RANBP17: variants seen among roughly 807,000 people sequenced by gnomAD.
RANBP17 encodes RAN binding protein 17.
A neutral mutation model predicts 141.2 loss-of-function variants in RANBP17; 158 were observed. The ratio of observed to expected loss-of-function variants is 1.12; its 90% CI spans 0.98 to 1.28. The LOEUF is 1.28. Among genes scored for constraint, RANBP17 ranks in the 50% most tolerant of loss-of-function variants. The pLI, the probability that RANBP17 is intolerant of heterozygous loss-of-function variation, is 0.00. For synonymous variants in RANBP17, 430 were observed against 450.0 expected (o/e 0.96, Z 0.56); for missense variants, 1,438 against 1,290.7 (o/e 1.11, Z -1.75).
At chr5:170,891,920 CA>C (rs1769650250) in intron 3 of RANBP17, among the ~76,000 whole-genome samples, 1 of 152,126 alleles carries the variant, frequency 6.6e-6, no homozygotes, top group Admixed American at 6.5e-5. Context: ...ACATATTCAA[CA>C]AAAGTGTTCT....
intron 11 of RANBP17, among the ~76,000 whole-genome samples, chr5:170,919,903 T>C (rs1316423349): frequency 6.6e-6 from 1 of 152,118 alleles, no homozygotes; most frequent in Non-Finnish European, 1.5e-5. Flanking sequence ...CAGAATGTTG[T>C]ATAAATGAAA....
intron 14 of RANBP17, among the ~76,000 whole-genome samples, chr5:171,029,635 G>T (rs1781435327): frequency 6.6e-6 from 1 of 152,038 alleles, no homozygotes; most frequent in Admixed American, 6.6e-5. Flanking sequence ...TGTGCCTCAG[G>T]CAAGTGGTCA....
chr5:170,965,483 T>C (rs2127523802), intron 13 of RANBP17, among the ~76,000 whole-genome samples: 1 of 152,350 alleles, frequency 6.6e-6, no homozygotes, highest in South Asian at 2.1e-4. Flanking sequence ...CATGCCTATG[T>C]TCTGAATGGT....
chr5:170,936,423 T>C (rs1024145600), intron 12 of RANBP17, among the ~76,000 whole-genome samples: 1 of 152,202 alleles, frequency 6.6e-6, no homozygotes, highest in African/African-American at 2.4e-5. Context: ...ACCAAGCCGC[T>C]GTTTTATTTT....
chr5:171,105,331 G>A (rs1338411108), intron 14 of RANBP17, among the ~76,000 whole-genome samples: 6 of 129,770 alleles, frequency 4.6e-5, no homozygotes, highest in African/African-American at 1.2e-4. Context: ...GCAGTGAGCC[G>A]AGATCCCGCC....
chr5:170,958,263 G>T (rs1775881602), intron 13 of RANBP17, among the ~76,000 whole-genome samples: 1 of 152,146 alleles, frequency 6.6e-6, no homozygotes, highest in South Asian at 2.1e-4. Flanking sequence ...CCTCTTTGAG[G>T]AGCTGCTGGG....
chr5:171,123,473 T>C (rs904836370), intron 14 of RANBP17, among the ~76,000 whole-genome samples: 2 of 152,220 alleles, frequency 1.3e-5, no homozygotes, highest in Non-Finnish European at 2.9e-5. Flanking sequence ...GCCCTTCCAC[T>C]GCTACTGCCA....
At chr5:171,179,839 G>A (rs147464136) in intron 16 of RANBP17, among the ~76,000 whole-genome samples, 10 of 152,230 alleles carry the variant, frequency 6.6e-5, no homozygotes, top group Admixed American at 1.3e-4. Context: ...ACTGTGAATT[G>A]AAGTCATACT....
At chr5:170,977,734 C>T (rs1777482784) in intron 14 of RANBP17, among the ~76,000 whole-genome samples, 1 of 151,930 alleles carries the variant, frequency 6.6e-6, no homozygotes. Context: ...GTCAAATAAG[C>T]CAGCCACAAA....
In RANBP17 at chr5:170,953,662, A is replaced by G; in HGVS notation, c.1534A>G (p.Thr512Ala). 6.2e-7 allele frequency: 1 copy of G among 1,611,192 alleles called. No homozygotes were observed. Among genetic ancestry groups the G allele is most frequent in the Non-Finnish European group, 8.5e-7 (1 of 1,177,568 alleles). ...AGGAGGAAGATTAACATATACCAGT[A>G]CAGATGAGCATGATGCTATGGATGG... is the stretch of plus-strand genomic sequence containing the variant. ...VVGGRLTYTSTDEHDAMDGEL... is the reference protein window; with the variant it reads ...VVGGRLTYTSADEHDAMDGEL... Residue 512 changes from threonine (T) to alanine (A), a missense_variant, in exon 13 of 28, where the codon ACA becomes GCA. Physicochemically the swap from Thr to Ala is moderately conservative, Grantham distance 58. Coordinates refer to ENST00000523189, the MANE Select transcript of RANBP17 (RefSeq NM_022897.5).
intron 14 of RANBP17, among the ~76,000 whole-genome samples, chr5:171,154,624 G>A (rs920617676): frequency 1.3e-5 from 2 of 152,142 alleles, no homozygotes; most frequent in Admixed American, 1.3e-4. Context: ...TTAATATAGT[G>A]TTTACTTTGG....
chr5:171,002,374 G>A (rs1422494664), intron 14 of RANBP17, among the ~76,000 whole-genome samples: 2 of 152,142 alleles, frequency 1.3e-5, no homozygotes, highest in Non-Finnish European at 2.9e-5. Flanking sequence ...TACCTTATCA[G>A]CATAAGCGTT....
chr5:171,137,138 G>A (rs1757342392), intron 14 of RANBP17, among the ~76,000 whole-genome samples: 1 of 152,154 alleles, frequency 6.6e-6, no homozygotes, highest in Non-Finnish European at 1.5e-5. Context: ...AAACTGGATA[G>A]GAATTTAACT....
intron 12 of RANBP17, among the ~76,000 whole-genome samples, chr5:170,935,118 A>G (rs1201684637): frequency 1.3e-5 from 2 of 152,144 alleles, no homozygotes; most frequent in African/African-American, 2.4e-5. Context: ...TTGTGCATGC[A>G]TCACGTAGTT....
intron 3 of RANBP17, among the ~76,000 whole-genome samples, chr5:170,888,678 C>A (rs981326475): frequency 3.3e-5 from 5 of 152,218 alleles, no homozygotes; most frequent in African/African-American, 1.2e-4. Flanking sequence ...CTTTCTTAAT[C>A]TATATGCATT....
chr5:170,872,191 C>T (rs74919237), intron 1 of RANBP17, among the ~76,000 whole-genome samples: 2 of 152,000 alleles, frequency 1.3e-5, no homozygotes, highest in Non-Finnish European at 2.9e-5. Context: ...CTCTCATTTC[C>T]TCGAGCAGTG....
At chr5:170,964,968 G>A (rs975364273) in intron 13 of RANBP17, among the ~76,000 whole-genome samples, 25 of 152,090 alleles carry the variant, frequency 1.6e-4, no homozygotes, top group Non-Finnish European at 2.9e-4. Context: ...CTGAGGAATC[G>A]CCACACTGAC....
intron 18 of RANBP17, among the ~76,000 whole-genome samples, chr5:171,189,433 G>T (rs1761482419): frequency 6.6e-6 from 1 of 152,192 alleles, no homozygotes; most frequent in Non-Finnish European, 1.5e-5. Context: ...GCACCTTCAA[G>T]GTATGGACTA....
intron 20 of RANBP17, chr5:171,208,004 A>G (rs770674348): frequency 6.6e-6 from 1 of 152,134 alleles, no homozygotes; most frequent in Non-Finnish European, 1.5e-5. Flanking sequence ...AAAGTCATTT[A>G]TTTTTCCTGA....
Sources: gnomAD v4.1 joint callset for allele counts (sites outside exome capture counted in the v4.1 genomes callset) on GRCh38, gnomAD v4.1.1 for gene constraint, MANE v1.5 for transcripts, NCBI Gene and HGNC (gene_info 2026-07-23, HGNC 2026-07-21) for gene names.